The following ASCC3 variants were observed in gnomAD, a reference collection of about 807,000 sequenced individuals.
ASCC3 encodes activating signal cointegrator 1 complex subunit 3.
Under a neutral mutation model 256.3 loss-of-function variants are expected in ASCC3, and 158 were observed. That is an observed-to-expected ratio of 0.62 (90% CI 0.54 to 0.70). The LOEUF (loss-of-function observed/expected upper bound fraction) is 0.70. Ranked by LOEUF, ASCC3 falls within the 30% of genes least tolerant of loss-of-function variation. The pLI, the probability that ASCC3 is intolerant of heterozygous loss-of-function variation, is 0.00. For synonymous variants in ASCC3, 948 were observed against 883.4 expected, an observed-to-expected ratio of 1.07 and a Z score of -1.30; for missense variants, 2,259 against 2,626.0, an observed-to-expected ratio of 0.86 and a Z score of 3.05.
At chr6:100,592,699 T>C (rs375644532) in intron 34 of ASCC3, among the ~76,000 whole-genome samples, 15 of 152,096 alleles carry the variant, frequency 9.9e-5, no homozygotes, top group Admixed American at 5.2e-4. Flanking sequence ...TCTTCTAGCC[T>C]GAACAATTAT....
At chr6:100,577,452 C>T (rs998076589) in intron 36 of ASCC3, among the ~76,000 whole-genome samples, 1 of 152,074 alleles carries the variant, frequency 6.6e-6, no homozygotes, top group Non-Finnish European at 1.5e-5. Flanking sequence ...GAGTAACTCA[C>T]TTTGGACACA....
At chr6:100,606,712 T>C (rs368149651) in intron 32 of ASCC3, 28 bp downstream of exon 32, 6 of 1,581,056 alleles carry the variant, frequency 3.8e-6, no homozygotes, top group African/African-American at 2.7e-5. Context: ...TAGAGCTTCA[T>C]GTATTTCTGT....
At chr6:100,692,717 G>C (rs1356098656) in intron 13 of ASCC3, among the ~76,000 whole-genome samples, 1 of 151,930 alleles carries the variant, frequency 6.6e-6, no homozygotes, top group Non-Finnish European at 1.5e-5. Context: ...ACTTTGAAAT[G>C]GAAGTGAAGA....
At chr6:100,630,606 C>T (rs1027954545) in intron 26 of ASCC3, among the ~76,000 whole-genome samples, 15 of 150,964 alleles carry the variant, frequency 9.9e-5, no homozygotes, top group African/African-American at 3.7e-4. Flanking sequence ...CTTACTGATG[C>T]TCTACTGGAA....
intron 14 of ASCC3, among the ~76,000 whole-genome samples, chr6:100,677,354 A>G (rs1777076490): frequency 6.6e-6 from 1 of 152,040 alleles, no homozygotes; most frequent in Non-Finnish European, 1.5e-5. Context: ...AAAAGACCCC[A>G]TGCCCTAAGG....
At chr6:100,597,545 T>C (rs1191123313) in intron 34 of ASCC3, among the ~76,000 whole-genome samples, 1 of 152,006 alleles carries the variant, frequency 6.6e-6, no homozygotes, top group Non-Finnish European at 1.5e-5. Flanking sequence ...CTATTCTAGA[T>C]TTATGAACTT....
At chr6:100,625,377 C>T (rs757611996) in intron 29 of ASCC3, 43 bp from the exon 30 acceptor site, 6 of 1,600,688 alleles carry the variant, frequency 3.7e-6, no homozygotes, top group South Asian at 3.3e-5. Context: ...GATACTTAAC[C>T]CCAGAATATG....
intron 36 of ASCC3, among the ~76,000 whole-genome samples, chr6:100,555,868 A>C (rs1190612008): frequency 2.0e-5 from 3 of 152,164 alleles, no homozygotes; most frequent in Non-Finnish European, 2.9e-5. Flanking sequence ...TGGTGGCACA[A>C]GCCTGTGGTC....
intron 29 of ASCC3, 140 bp from the exon 30 acceptor site, chr6:100,625,474 A>G (rs1366627085): frequency 3.1e-6 from 3 of 978,408 alleles, no homozygotes; most frequent in Non-Finnish European, 4.8e-6. Flanking sequence ...CAGGTACTAC[A>G]TGGATCTGGC....
chr6:100,646,866 G>T, intron 21 of ASCC3, 97 bp from the exon 22 acceptor site: 1 of 1,280,504 alleles, frequency 7.8e-7, no homozygotes, highest in Non-Finnish European at 1.1e-6. Context: ...TGATTTTATT[G>T]CTTGTTTTAT....
At chr6:100,847,890 T>C (rs1404297988) in intron 4 of ASCC3, 6 of 327,978 alleles carry the variant, frequency 1.8e-5, no homozygotes, top group Admixed American at 8.8e-5. Flanking sequence ...AAACCAGCAC[T>C]GTCCCAGTAA....
intron 18 of ASCC3, among the ~76,000 whole-genome samples, 171 bp from the exon 19 acceptor site, chr6:100,651,817 T>G (rs984652582): frequency 1.3e-5 from 2 of 151,984 alleles, no homozygotes; most frequent in Non-Finnish European, 2.9e-5. Context: ...TCAACAAATT[T>G]ATCAAAGACC....
chr6:100,629,613 T>C (rs1431430833), intron 26 of ASCC3, among the ~76,000 whole-genome samples: 2 of 152,192 alleles, frequency 1.3e-5, no homozygotes, highest in Non-Finnish European at 2.9e-5. Context: ...TATGTGTAAA[T>C]TTAATTAAAA....
At chr6:100,517,917 C>T in intron 38 of ASCC3, 74 bp downstream of exon 38, 1 of 1,490,114 alleles carries the variant, frequency 6.7e-7, no homozygotes, top group East Asian at 2.4e-5. Flanking sequence ...CATAAAATTT[C>T]AGTGACTACA....
chr6:100,693,310 G>C (rs1777924200), intron 13 of ASCC3, among the ~76,000 whole-genome samples: 1 of 151,628 alleles, frequency 6.6e-6, no homozygotes, highest in African/African-American at 2.4e-5. Flanking sequence ...TGAATTGTGA[G>C]AATCTCCATA....
chr6:100,529,974 T>A (rs945497841), intron 37 of ASCC3, among the ~76,000 whole-genome samples: 1 of 151,928 alleles, frequency 6.6e-6, no homozygotes, highest in African/African-American at 2.4e-5. Context: ...TTAGGGCCCA[T>A]CATTAAATCG....
intron 39 of ASCC3, among the ~76,000 whole-genome samples, chr6:100,513,405 A>G (rs942050723): frequency 6.6e-6 from 1 of 152,218 alleles, no homozygotes; most frequent in Non-Finnish European, 1.5e-5. Context: ...GTTTTAGAGA[A>G]GCATCTATTC....
intron 6 of ASCC3, among the ~76,000 whole-genome samples, 156 bp from the exon 7 acceptor site, chr6:100,799,728 TTC>T (rs1769819663): frequency 6.6e-6 from 1 of 152,068 alleles, no homozygotes; most frequent in African/African-American, 2.4e-5. Flanking sequence ...TCCTGAAATT[TTC>T]TGAGTGACAA....
At chr6:100,840,396 T>C (rs1283851466) in intron 4 of ASCC3, among the ~76,000 whole-genome samples, 1 of 151,678 alleles carries the variant, frequency 6.6e-6, no homozygotes, top group Non-Finnish European at 1.5e-5. Flanking sequence ...GGCATGGTCA[T>C]GACTCACTAA....
Sources: gnomAD v4.1 joint callset for allele counts (sites outside exome capture counted in the v4.1 genomes callset) on GRCh38, gnomAD v4.1.1 for gene constraint, MANE v1.5 for transcripts, NCBI Gene and HGNC (gene_info 2026-07-23, HGNC 2026-07-21) for gene names.